The following BRD4 variants were observed in gnomAD, a reference collection of about 807,000 sequenced individuals.
BRD4 encodes the protein bromodomain-containing protein 4.
Under a neutral mutation model 142.1 loss-of-function variants are expected in BRD4, and 16 were observed. The observed-to-expected ratio is 0.11, with a 90% CI of 0.08 to 0.17. The LOEUF (loss-of-function observed/expected upper bound fraction) is 0.17. Among genes scored for constraint, BRD4 ranks in the 10% least tolerant of loss-of-function variants. The probability of loss-of-function intolerance (pLI) is 1.00; values close to 1 mark genes in which losing one functional copy is unlikely to be tolerated. For missense variants in BRD4, 1,424 were observed against 1,810.9 expected (o/e 0.79, Z 3.88); for synonymous variants, 833 against 707.5 (o/e 1.18, Z -2.82).
intron 2 of BRD4, among the ~76,000 whole-genome samples, chr19:15,271,339 C>T (rs867430950): frequency 2.0e-5 from 3 of 152,214 alleles, no homozygotes; most frequent in African/African-American, 4.8e-5. Context: ...TTCACACCGT[C>T]GCAATCTGGT....
rs1004914119 is a variant in BRD4, at chr19:15,310,914, C to T, written c.-35+21376G>A. Among the ~76,000 whole-genome samples the T allele has an allele frequency of 3.9e-5, 6 of 152,274 alleles. No homozygotes were observed. In the South Asian group the frequency reaches 6.2e-4, roughly 16 times the overall value. Reference sequence around the variant, plus strand: ...AATATCCATCCCCAAAATCAGTTTCCGTGTGGAGGCAGGATATGGGGAATT... The same window carrying T: ...AATATCCATCCCCAAAATCAGTTTCTGTGTGGAGGCAGGATATGGGGAATT... On this transcript the variant is annotated intron_variant, in intron 1 of 19. Coordinates refer to ENST00000679869, the MANE Select transcript of BRD4 (RefSeq NM_001379291.1).
At chr19:15,287,683 G>A (rs2047750538) in intron 1 of BRD4, among the ~76,000 whole-genome samples, 1 of 152,130 alleles carries the variant, frequency 6.6e-6, no homozygotes, top group Non-Finnish European at 1.5e-5. Flanking sequence ...CCCAGCGTGA[G>A]TGAAACCACA....
intron 1 of BRD4, among the ~76,000 whole-genome samples, chr19:15,308,104 A>G (rs1196998854): frequency 1.8e-5 from 2 of 112,256 alleles, no homozygotes; most frequent in Non-Finnish European, 3.4e-5. Context: ...AGAGTGAGTG[A>G]GACTCCGTCT....
intron 1 of BRD4, among the ~76,000 whole-genome samples, chr19:15,322,875 A>C (rs1205191928): frequency 6.8e-6 from 1 of 147,544 alleles, no homozygotes; most frequent in Admixed American, 6.8e-5. Context: ...TCCAAAAAAA[A>C]AAAAAAAAAG....
In BRD4 at chr19:15,238,324, T is replaced by C. The variant is rs202240581; in HGVS notation, c.*53A>G. ...ACCTCCACCACCGCCCCTAACACTA[T>C]GGAAAGTCAATGTTTTGCCAGAAAA... On this transcript the variant is annotated 3_prime_UTR_variant, in exon 20 of 20. Coordinates refer to ENST00000679869, the MANE Select transcript of BRD4 (RefSeq NM_001379291.1). This position sits in a 1 kb window ranked among gnomAD's most constrained non-coding sequence, Gnocchi z 7.2. 5.3e-5 allele frequency: 85 copies of C among 1,611,512 alleles called. No individual in the cohort carries two copies. The highest frequency in any genetic ancestry group is 5.0e-4 in the Middle Eastern group (3 of 6,046).
chr19:15,274,473 G>T (rs1287601303), intron 1 of BRD4, among the ~76,000 whole-genome samples: 4 of 152,186 alleles, frequency 2.6e-5, no homozygotes, highest in African/African-American at 9.7e-5. Flanking sequence ...TGGTTTCTAT[G>T]ATTAGATTTC....
At chr19:15,275,380 G>A (rs936733380) in intron 1 of BRD4, among the ~76,000 whole-genome samples, 1 of 152,188 alleles carries the variant, frequency 6.6e-6, no homozygotes. Context: ...AACCAAGGCA[G>A]AGAGAAGTAC....
chr19:15,237,544 G>A lies in BRD4; in HGVS notation c.*833C>T, dbSNP rs1037591375. On this transcript the variant is annotated 3_prime_UTR_variant, in exon 20 of 20. Coordinates refer to ENST00000679869, the MANE Select transcript of BRD4 (RefSeq NM_001379291.1). The stretch of plus-strand genomic sequence containing the variant: ...AATGAGGAGACGATCACACCATTTC[G>A]GAGATAAGCAGTGCCATTGTGTCTG... 3 of 225,226 alleles carry A rather than the reference G, an allele frequency of 1.3e-5. No homozygotes were observed. Among genetic ancestry groups the A allele is most frequent in the Non-Finnish European group, 2.6e-5 (3 of 113,354 alleles). The allele number at this position is 225,226 out of a possible 1,614,324, so 14.0% of individuals were successfully genotyped here. A position where few individuals can be genotyped will look rare whatever the true frequency, so the allele number is the denominator to read the frequency against.
At chr19:15,272,295 G>A (rs564481401) in intron 2 of BRD4, among the ~76,000 whole-genome samples, 12 of 152,206 alleles carry the variant, frequency 7.9e-5, no homozygotes, top group African/African-American at 2.4e-4. Context: ...TCTCCAACTG[G>A]GGACGCCTCC....
chr19:15,281,931 T>C (rs1302309768), intron 1 of BRD4, among the ~76,000 whole-genome samples: 2 of 152,182 alleles, frequency 1.3e-5, no homozygotes, highest in Admixed American at 6.5e-5. Context: ...GGCAGGATAA[T>C]TGCTTGAACT....
chr19:15,247,177 C>T, intron 11 of BRD4: 1 of 231,072 alleles, frequency 4.3e-6, no homozygotes, highest in Non-Finnish European at 8.6e-6. Flanking sequence ...ACACTGATTC[C>T]ACCCACCCCC....
At chr19:15,300,029 G>C (rs2047854607) in intron 1 of BRD4, among the ~76,000 whole-genome samples, 6 of 151,930 alleles carry the variant, frequency 3.9e-5, no homozygotes, top group Admixed American at 3.9e-4. Context: ...AGGATCACTT[G>C]AGCCCAGGAG....
chr19:15,266,257 T>G (rs1393827605), intron 4 of BRD4, among the ~76,000 whole-genome samples: 2 of 152,186 alleles, frequency 1.3e-5, no homozygotes, highest in Non-Finnish European at 2.9e-5. Context: ...CAAAACTGGG[T>G]GGACCAGGGT....
chr19:15,300,196 C>T (rs2145685568), intron 1 of BRD4, among the ~76,000 whole-genome samples: 1 of 152,060 alleles, frequency 6.6e-6, no homozygotes, highest in East Asian at 1.9e-4. Context: ...AGTGAGACGT[C>T]ACAGCCACTG....
intron 14 of BRD4, 23 bp downstream of exon 14, chr19:15,242,877 G>C: frequency 3.1e-6 from 5 of 1,595,032 alleles, no homozygotes; most frequent in Non-Finnish European, 4.3e-6. Context: ...CCTCCCCAGA[G>C]TCTACGGGTG....
chr19:15,237,246 G>GGT lies in BRD4; in HGVS notation c.*1130_*1131insAC, dbSNP rs2047199251. 1 of 18,610 alleles carries GGT rather than the reference G, an allele frequency of 5.4e-5. No individual in the cohort carries two copies. Among genetic ancestry groups the GGT allele is most frequent in the East Asian group, 1.7e-3 (1 of 590 alleles). 1.2% of individuals were successfully genotyped at this position (18,610 alleles called of 1,614,324 possible). On this transcript the variant is annotated 3_prime_UTR_variant, in exon 20 of 20. Transcript: ENST00000679869. ...AAAACAAAAAAGCCAACAAATGGGT[G>GGT]GGGGGGGGGGGGGTGGAGGGGAAAG...
At chr19:15,332,036 A>G (rs1351150900) in intron 1 of BRD4, 1 of 133,354 alleles carries the variant, frequency 7.5e-6, no homozygotes, top group Non-Finnish European at 1.6e-5. Context: ...CGACGGCACC[A>G]AAGGCAGGAC....
At chr19:15,252,418 A>G (rs964206188) in intron 11 of BRD4, among the ~76,000 whole-genome samples, 4 of 152,262 alleles carry the variant, frequency 2.6e-5, no homozygotes, top group Admixed American at 1.3e-4. Context: ...GAAGTCAACT[A>G]GAAAACAGGA....
intron 1 of BRD4, among the ~76,000 whole-genome samples, chr19:15,321,004 C>A (rs565292778): frequency 6.6e-6 from 1 of 152,168 alleles, no homozygotes; most frequent in Non-Finnish European, 1.5e-5. Flanking sequence ...GAGGCCAAGG[C>A]GGATGGATCA....
Sources: gnomAD v4.1 joint callset for allele counts (sites outside exome capture counted in the v4.1 genomes callset) on GRCh38, gnomAD v4.1.1 for gene constraint, Gnocchi (gnomAD v3.1) non-coding constraint, MANE v1.5 for transcripts, NCBI Gene and HGNC (gene_info 2026-07-23, HGNC 2026-07-21) for gene names.